ZNF385D: variants seen among roughly 807,000 people sequenced by gnomAD.
The protein encoded by ZNF385D is zinc finger protein 385D, also known as zinc finger protein 659.
A neutral mutation model predicts 35.8 loss-of-function variants in ZNF385D; 15 were observed. The ratio of observed to expected loss-of-function variants is 0.42; its 90% CI spans 0.28 to 0.64. ZNF385D has a LOEUF of 0.64. Ranked by LOEUF, ZNF385D falls within the 30% of genes least tolerant of loss-of-function variation. The probability of loss-of-function intolerance (pLI) is 0.23; values close to 1 mark genes in which losing one functional copy is unlikely to be tolerated. For missense variants in ZNF385D, 474 were observed against 494.6 expected (o/e 0.96, Z 0.39); for synonymous variants, 212 against 186.8 (o/e 1.13, Z -1.10).
At chr3:22,165,645 T>G (rs113968171) in intron 3 of ZNF385D, among the ~76,000 whole-genome samples, 1 of 152,312 alleles carries the variant, frequency 6.6e-6, no homozygotes, top group African/African-American at 2.4e-5. Flanking sequence ...GAATATAGCA[T>G]TTCTCCTAAT....
Position 21,993,740 on chromosome 3 carries a change from C to A in ZNF385D, c.325+175077G>T, listed in dbSNP as rs73820896. On this transcript the variant is annotated intron_variant, in intron 3 of 5. Coordinates refer to the ZNF385D transcript ENST00000494108. ...TCCTACTAATACAAAAACATTCCTG[C>A]AGATCATTTGAAGCAGAGAAAAAAA... Among the ~76,000 whole-genome samples, 1,204 of 152,248 alleles carry A rather than the reference C, an allele frequency of 7.9e-3. 24 individuals carry two copies. Among genetic ancestry groups the A allele is most frequent in the African/African-American group, 0.027 (1,117 of 41,544 alleles).
intron 2 of ZNF385D, among the ~76,000 whole-genome samples, chr3:22,363,530 G>A (rs1256767679): frequency 6.6e-6 from 1 of 151,984 alleles, no homozygotes; most frequent in Admixed American, 6.6e-5. Context: ...TTGTTCACAG[G>A]GCCATTCAAT....
chr3:21,615,416 A>G (rs978543013), intron 2 of ZNF385D, among the ~76,000 whole-genome samples: 3 of 152,222 alleles, frequency 2.0e-5, no homozygotes, highest in Non-Finnish European at 4.4e-5. Context: ...ACCCAGGCTC[A>G]GGTATTTGTT....
At chr3:22,036,193 A>G (rs1425178321) in intron 3 of ZNF385D, among the ~76,000 whole-genome samples, 1 of 152,214 alleles carries the variant, frequency 6.6e-6, no homozygotes, top group Non-Finnish European at 1.5e-5. Flanking sequence ...TGAAAGGGAA[A>G]GGATTCATGG....
intron 2 of ZNF385D, among the ~76,000 whole-genome samples, chr3:21,621,532 C>T (rs941040131): frequency 1.4e-5 from 2 of 138,676 alleles, no homozygotes; most frequent in East Asian, 2.2e-4. Flanking sequence ...TTTGCTGTGT[C>T]ATCAGTTAAA....
intron 3 of ZNF385D, among the ~76,000 whole-genome samples, chr3:22,104,302 T>G (rs1702094925): frequency 6.6e-6 from 1 of 152,108 alleles, no homozygotes; most frequent in South Asian, 2.1e-4. Flanking sequence ...TCACTGAGTG[T>G]GTCTCCTGCT....
chr3:21,828,765 T>C (rs550328821), intron 3 of ZNF385D, among the ~76,000 whole-genome samples: 15 of 152,356 alleles, frequency 9.8e-5, no homozygotes, highest in African/African-American at 2.2e-4. Context: ...TTAGTTTTAC[T>C]GCACTGAATT....
chr3:21,728,609 G>A lies in ZNF385D; in HGVS notation c.22+22286C>T, dbSNP rs1378622878. The stretch of plus-strand genomic sequence containing the variant: ...CAGTATACATCAGTTGCTTTTCCAA[G>A]GTTAGTGCAGTTAATTCTTACAGCA... On this transcript the variant is annotated intron_variant, in intron 1 of 7. Coordinates refer to ENST00000281523, the MANE Select transcript of ZNF385D (RefSeq NM_024697.3). Among the ~76,000 whole-genome samples the A allele has an allele frequency of 2.0e-5, 3 of 152,124 alleles. No homozygotes were observed. The East Asian group carries it at 5.8e-4, about 29-fold the overall frequency.
intron 2 of ZNF385D, among the ~76,000 whole-genome samples, chr3:22,288,768 CT>C (rs1702150101): frequency 1.3e-5 from 2 of 152,002 alleles, no homozygotes; most frequent in South Asian, 4.2e-4. Flanking sequence ...ACATATTTCC[CT>C]TTTTATTTTT....
intron 4 of ZNF385D, among the ~76,000 whole-genome samples, chr3:21,445,582 T>G (rs1212723133): frequency 6.6e-6 from 1 of 152,192 alleles, no homozygotes; most frequent in Non-Finnish European, 1.5e-5. Context: ...ACCTCAGCAA[T>G]CTATATCAAT....
intron 2 of ZNF385D, among the ~76,000 whole-genome samples, chr3:22,259,074 A>G (rs1222659202): frequency 1.3e-5 from 2 of 151,944 alleles, no homozygotes; most frequent in Admixed American, 1.3e-4. Context: ...CATAAAATGA[A>G]CTATTTTAAA....
rs1304720431 is a variant in ZNF385D, at chr3:21,881,385, C to T, written c.326-216357G>A. On this transcript the variant is annotated intron_variant, in intron 3 of 5. Transcript: ENST00000494108. The stretch of plus-strand genomic sequence containing the variant: ...CTTAAGAATGATGCTAAATCTACTC[C>T]ACCTGTGCTCTATAAATGAAACAAC... 5.3e-5 allele frequency among the ~76,000 whole-genome samples: 8 copies of T among 151,914 alleles called. No homozygotes were observed. In the East Asian group the frequency reaches 5.8e-4, roughly 11 times the overall value.
intron 3 of ZNF385D, among the ~76,000 whole-genome samples, chr3:22,161,746 A>AGTT (rs1217342623): frequency 1.3e-5 from 2 of 152,182 alleles, no homozygotes; most frequent in Non-Finnish European, 2.9e-5. Flanking sequence ...CAGCAGTTAG[A>AGTT]GTTGTTGATG....
intron 4 of ZNF385D, among the ~76,000 whole-genome samples, chr3:21,477,418 T>C (rs1016617323): frequency 6.6e-6 from 1 of 151,902 alleles, no homozygotes; most frequent in African/African-American, 2.4e-5. Context: ...CAGAGCAAGA[T>C]CCTGTCTCAA....
intron 2 of ZNF385D, among the ~76,000 whole-genome samples, chr3:22,227,792 A>C (rs1344475399): frequency 6.6e-6 from 1 of 152,124 alleles, no homozygotes; most frequent in Non-Finnish European, 1.5e-5. Flanking sequence ...AAATTTCTTC[A>C]TTATCAGCCC....
intron 3 of ZNF385D, among the ~76,000 whole-genome samples, chr3:21,844,654 A>T (rs151323424): frequency 1.3e-5 from 2 of 152,024 alleles, no homozygotes; most frequent in African/African-American, 4.8e-5. Context: ...CATCATTTTT[A>T]AAGTTCACCT....
chr3:21,424,301 T>TTATATATATATATA (rs1228574145), intron 6 of ZNF385D, among the ~76,000 whole-genome samples: 2 of 80,184 alleles, frequency 2.5e-5, no homozygotes, highest in African/African-American at 4.7e-5. Flanking sequence ...ATATATATAT[T>TTATATATATATATA]TATATATATA....
At chr3:21,735,490 G>A (rs1412255518) in intron 1 of ZNF385D, among the ~76,000 whole-genome samples, 1 of 152,118 alleles carries the variant, frequency 6.6e-6, no homozygotes, top group East Asian at 1.9e-4. Context: ...ATATAAAGAT[G>A]TCAGATGTGA....
In ZNF385D at chr3:22,179,864, A is replaced by C. The variant is rs542615314; in HGVS notation, c.107-10829T>G. Among the ~76,000 whole-genome samples the C allele has an allele frequency of 5.9e-5, 9 of 152,304 alleles. No homozygotes were observed. In the East Asian group the frequency reaches 9.7e-4, roughly 16 times the overall value. On this transcript the variant is annotated intron_variant, in intron 2 of 5. Transcript: ENST00000494108. ...GATCCAAAATTGACACCCTAACATC[A>C]CAATTAAAAGAACTAGAGAAGCAAG...
Sources: allele counts gnomAD v4.1 joint callset (sites outside exome capture counted in the v4.1 genomes callset), GRCh38; gene constraint gnomAD v4.1.1; transcripts MANE v1.5; gene names NCBI Gene and HGNC (gene_info 2026-07-23, HGNC 2026-07-21).